IQCB1: variants seen among roughly 807,000 people sequenced by gnomAD.
IQCB1 encodes IQ motif containing B1.
IQCB1 carries 56 observed loss-of-function variants against 84.4 expected under a neutral mutation model. The observed-to-expected ratio is 0.66, with a 90% CI of 0.54 to 0.83. The LOEUF is 0.83. IQCB1 is among the 40% of genes least tolerant of loss of function. The probability of loss-of-function intolerance (pLI) is 0.00; values close to 1 mark genes in which losing one functional copy is unlikely to be tolerated. For missense variants in IQCB1, 629 were observed against 682.1 expected, an observed-to-expected ratio of 0.92 and a Z score of 0.87; for synonymous variants, 210 against 234.8, an observed-to-expected ratio of 0.89 and a Z score of 0.96.
intron 12 of IQCB1, among the ~76,000 whole-genome samples, chr3:121,784,026 G>T (rs2108530637): frequency 6.6e-6 from 1 of 152,160 alleles, no homozygotes; most frequent in South Asian, 2.1e-4. Flanking sequence ...AAGTGTTTCT[G>T]TCACTGTATT....
chr3:121,813,582 AC>A (rs1008363364), intron 5 of IQCB1, among the ~76,000 whole-genome samples: 4 of 152,230 alleles, frequency 2.6e-5, no homozygotes, highest in African/African-American at 9.6e-5. Flanking sequence ...AGGAATATTT[AC>A]CAAGCAAATG....
At chr3:121,830,391 C>A (rs1172086013) in intron 2 of IQCB1, among the ~76,000 whole-genome samples, 1 of 151,514 alleles carries the variant, frequency 6.6e-6, no homozygotes, top group Non-Finnish European at 1.5e-5. Flanking sequence ...CAAAGCAAGA[C>A]CCTGTCTCTA....
intron 5 of IQCB1, among the ~76,000 whole-genome samples, chr3:121,824,023 C>T (rs1950365221): frequency 2.0e-5 from 3 of 152,070 alleles, no homozygotes; most frequent in Admixed American, 1.3e-4. Context: ...AAATGATACC[C>T]TTTAAAACAA....
chr3:121,780,976 T>C (rs1390043320), intron 13 of IQCB1, among the ~76,000 whole-genome samples: 1 of 152,134 alleles, frequency 6.6e-6, no homozygotes, highest in African/African-American at 2.4e-5. Flanking sequence ...TATGAGTGCT[T>C]GGTTCAAATG....
chr3:121,832,822 T>A (rs938630410), intron 2 of IQCB1, among the ~76,000 whole-genome samples: 1 of 152,232 alleles, frequency 6.6e-6, no homozygotes, highest in African/African-American at 2.4e-5. Context: ...TATAAGAATC[T>A]AATTTTTAAT....
At chr3:121,785,822 A>G (rs1315099646) in intron 12 of IQCB1, among the ~76,000 whole-genome samples, 1 of 152,120 alleles carries the variant, frequency 6.6e-6, no homozygotes, top group Non-Finnish European at 1.5e-5. Context: ...CCAGCTACGT[A>G]TGCTTAACGA....
chr3:121,801,506 A>T (rs1262213285), intron 7 of IQCB1, among the ~76,000 whole-genome samples: 2 of 152,048 alleles, frequency 1.3e-5, no homozygotes, highest in African/African-American at 2.4e-5. Context: ...ATCTGACTGC[A>T]CCATTTATTT....
intron 2 of IQCB1, among the ~76,000 whole-genome samples, chr3:121,829,356 A>G (rs1950557545): frequency 6.6e-6 from 1 of 152,224 alleles, no homozygotes; most frequent in Non-Finnish European, 1.5e-5. Flanking sequence ...TAAGACTACT[A>G]TACTTTCAAA....
chr3:121,832,323 T>C (rs1330196648), intron 2 of IQCB1, among the ~76,000 whole-genome samples: 1 of 131,180 alleles, frequency 7.6e-6, no homozygotes, highest in African/African-American at 3.0e-5. Context: ...ACCATAATTT[T>C]ACAATTTTTT....
In IQCB1 at chr3:121,770,503, C is replaced by CTGCCACA. The variant is rs767295178; in HGVS notation, c.1632_1638dup (p.Ala547CysfsTer31). On this transcript the variant is annotated frameshift_variant, in exon 15 of 15. Coordinates refer to ENST00000310864, the MANE Select transcript of IQCB1 (RefSeq NM_001023570.4). LOFTEE classifies it high-confidence loss of function. ...GTGAGATGGGCCTGCTTGGCCTTGG[C>CTGCCACA]TGCCACAGGCCTGGATCTACTTAGG... is the stretch of plus-strand genomic sequence containing the variant. 57 of 1,614,098 alleles carry CTGCCACA rather than the reference C, an allele frequency of 3.5e-5. No homozygotes were observed. Among genetic ancestry groups the CTGCCACA allele is most frequent in the Non-Finnish European group, 4.5e-5 (53 of 1,180,028 alleles).
intron 5 of IQCB1, among the ~76,000 whole-genome samples, chr3:121,819,974 GA>G (rs1950218209): frequency 6.6e-6 from 1 of 152,080 alleles, no homozygotes; most frequent in Admixed American, 6.5e-5. Context: ...ATTTTCATTA[GA>G]AATTCTTGGT....
intron 12 of IQCB1, among the ~76,000 whole-genome samples, chr3:121,786,690 T>C (rs1449498748): frequency 6.6e-6 from 1 of 152,200 alleles, no homozygotes; most frequent in Non-Finnish European, 1.5e-5. Context: ...CTAATCTTCC[T>C]TTCGTGCCAA....
At chr3:121,828,837 C>G (rs761337272) in intron 3 of IQCB1, 24 bp downstream of exon 3, 2 of 1,365,172 alleles carry the variant, frequency 1.5e-6, no homozygotes, top group Non-Finnish European at 1.0e-6. Flanking sequence ...AAAATGCTAT[C>G]TAATCACAAA....
At chr3:121,801,110 A>C (rs1667779548) in intron 7 of IQCB1, among the ~76,000 whole-genome samples, 1 of 151,888 alleles carries the variant, frequency 6.6e-6, no homozygotes, top group African/African-American at 2.4e-5. Flanking sequence ...TAACCCTAAA[A>C]GGTTATTCCC....
chr3:121,806,313 C>T (rs1005676452), intron 7 of IQCB1, among the ~76,000 whole-genome samples: 1 of 152,000 alleles, frequency 6.6e-6, no homozygotes, highest in African/African-American at 2.4e-5. Flanking sequence ...CACATAGTCA[C>T]CAGAGTAACA....
intron 2 of IQCB1, among the ~76,000 whole-genome samples, chr3:121,833,017 A>G (rs1023628367): frequency 6.6e-6 from 1 of 152,194 alleles, no homozygotes; most frequent in African/African-American, 2.4e-5. Context: ...CTGTTTGTCT[A>G]TTCTTGAGCT....
At chr3:121,779,075 G>GTA (rs954832748) in intron 13 of IQCB1, among the ~76,000 whole-genome samples, 2 of 151,784 alleles carry the variant, frequency 1.3e-5, no homozygotes, top group African/African-American at 4.8e-5. Flanking sequence ...ATAATAAAAA[G>GTA]TATATATATA....
intron 13 of IQCB1, among the ~76,000 whole-genome samples, chr3:121,777,996 C>T (rs755272107): frequency 1.3e-5 from 2 of 151,882 alleles, no homozygotes; most frequent in African/African-American, 2.4e-5. Context: ...CAGCCTCAAC[C>T]TCCTGAGCTC....
At chr3:121,818,950 A>C (rs561751025) in intron 5 of IQCB1, among the ~76,000 whole-genome samples, 19 of 152,276 alleles carry the variant, frequency 1.2e-4, no homozygotes, top group African/African-American at 4.3e-4. Flanking sequence ...TCAATAAGGA[A>C]AATCAACTTA....
Sources: gnomAD v4.1 joint callset for allele counts (sites outside exome capture counted in the v4.1 genomes callset) on GRCh38, gnomAD v4.1.1 for gene constraint, MANE v1.5 for transcripts, NCBI Gene and HGNC (gene_info 2026-07-23, HGNC 2026-07-21) for gene names.